UGT2B7: variants seen among roughly 807,000 people sequenced by gnomAD.
UGT2B7 encodes UDP-glucuronosyltransferase 2B7.
UGT2B7 carries 51 observed loss-of-function variants against 51.9 expected under a neutral mutation model. That is an observed-to-expected ratio of 0.98 (90% CI 0.78 to 1.24). The LOEUF is 1.24. UGT2B7 is among the 50% of genes most tolerant of loss of function. The probability of loss-of-function intolerance (pLI) is 0.00; values close to 1 mark genes in which losing one functional copy is unlikely to be tolerated. For synonymous variants in UGT2B7, 225 were observed against 211.6 expected (o/e 1.06, Z -0.55); for missense variants, 727 against 628.4 (o/e 1.16, Z -1.68).
At chr4:69,072,900 T>C (rs1475782803) in intron 1 of UGT2B7, among the ~76,000 whole-genome samples, 1 of 152,170 alleles carries the variant, frequency 6.6e-6, no homozygotes, top group Non-Finnish European at 1.5e-5. Flanking sequence ...GTTGTGTTCC[T>C]TCAGACACTG....
intron 1 of UGT2B7, among the ~76,000 whole-genome samples, chr4:69,081,796 A>T (rs1053343345): frequency 6.6e-6 from 1 of 152,142 alleles, no homozygotes; most frequent in Non-Finnish European, 1.5e-5. Context: ...CACCATTTAC[A>T]TCACACATCA....
intron 2 of UGT2B7, among the ~76,000 whole-genome samples, chr4:69,099,784 T>C (rs4293848): frequency 0.57 from 87,256 of 151,782 alleles, 26,047 homozygotes; most frequent in African/African-American, 0.71. Context: ...TAACATGTGC[T>C]GGTCACTTGA....
At chr4:69,060,732 T>A (rs1216178097) in intron 1 of UGT2B7, among the ~76,000 whole-genome samples, 1 of 152,186 alleles carries the variant, frequency 6.6e-6, no homozygotes, top group Non-Finnish European at 1.5e-5. Flanking sequence ...ATAAGCTGAC[T>A]TTAGGACAGC....
chr4:69,057,415 A>G (rs12508596), intron 1 of UGT2B7, among the ~76,000 whole-genome samples: 22,805 of 152,174 alleles, frequency 0.15, 1,988 homozygotes, highest in Admixed American at 0.25. Context: ...CCTCCTTCCA[A>G]AGGAACTGAG....
chr4:69,064,112 A>AAGAAAGAGAGAGAGAGAAAG (rs754723956), intron 1 of UGT2B7, among the ~76,000 whole-genome samples: 3 of 86,802 alleles, frequency 3.5e-5, no homozygotes, highest in East Asian at 4.4e-4. Context: ...GAAAGAAAGA[A>AAGAAAGAGAGAGAGAGAAAG]AAAGAAAGAA....
intron 1 of UGT2B7, among the ~76,000 whole-genome samples, chr4:69,056,739 T>G (rs4235113): frequency 6.6e-6 from 1 of 152,014 alleles, no homozygotes; most frequent in Non-Finnish European, 1.5e-5. Context: ...TTCACCAAAG[T>G]GCTTCAGCAC....
At chr4:69,080,250 T>C (rs556103057) in intron 1 of UGT2B7, among the ~76,000 whole-genome samples, 1 of 152,184 alleles carries the variant, frequency 6.6e-6, no homozygotes, top group East Asian at 1.9e-4. Flanking sequence ...TTTCTCCCTC[T>C]CTCAAAAATT....
In UGT2B7 at chr4:69,107,242, T is replaced by C. The variant is rs1351398469; in HGVS notation, c.1070T>C (p.Ile357Thr). 6 of 1,608,706 alleles carry C rather than the reference T, an allele frequency of 3.7e-6. No individual in the cohort carries two copies. The highest frequency in any genetic ancestry group is 1.7e-5 in the Admixed American group (1 of 59,544). Residue 357 changes from isoleucine to threonine, a missense_variant, in exon 4 of 6, where the codon ATA becomes ACA. Ile to Thr is a moderately conservative substitution (Grantham distance 89). Transcript: ENST00000305231. ...LGLNTRLYKW[I>T]PQNDLLGHPK... The stretch of plus-strand genomic sequence containing the variant: ...CTCAATACTCGGCTCTACAAGTGGA[T>C]ACCCCAGAATGACCTTCTAGGTAAG...
chr4:69,057,791 G>T (rs181886515), intron 1 of UGT2B7, among the ~76,000 whole-genome samples: 1 of 152,324 alleles, frequency 6.6e-6, no homozygotes, highest in African/African-American at 2.4e-5. Flanking sequence ...AGGCTTTGTG[G>T]TGGAGGGGGT....
upstream of UGT2B7, among the ~76,000 whole-genome samples, chr4:69,093,817 C>T (rs1285687809): frequency 6.6e-6 from 1 of 152,148 alleles, no homozygotes; most frequent in Non-Finnish European, 1.5e-5. Context: ...GTCATCCTGC[C>T]TTACTTTTCT....
intron 1 of UGT2B7, among the ~76,000 whole-genome samples, chr4:69,082,336 G>A (rs986373511): frequency 2.0e-5 from 3 of 151,720 alleles, no homozygotes; most frequent in Non-Finnish European, 4.4e-5. Context: ...AGGAAGGCAT[G>A]TTAAAAGCTC....
At chr4:69,099,257 CAAAA>C (rs58121670) in intron 2 of UGT2B7, among the ~76,000 whole-genome samples, 19,820 of 105,538 alleles carry the variant, frequency 0.19, 892 homozygotes, top group Admixed American at 0.29. Flanking sequence ...GAGAGACAGA[CAAAA>C]AAAAAAAAAA....
At chr4:69,068,931 T>A (rs942698464) in intron 1 of UGT2B7, among the ~76,000 whole-genome samples, 1 of 151,946 alleles carries the variant, frequency 6.6e-6, no homozygotes, top group Non-Finnish European at 1.5e-5. Context: ...AAAATCACAA[T>A]ACAAGAAAAA....
At chr4:69,065,662 A>G (rs767400217) in intron 1 of UGT2B7, among the ~76,000 whole-genome samples, 1 of 152,188 alleles carries the variant, frequency 6.6e-6, no homozygotes, top group South Asian at 2.1e-4. Context: ...TGTATTTCTC[A>G]TACATAGATG....
chr4:69,102,104 A>G (rs574168566), intron 2 of UGT2B7, among the ~76,000 whole-genome samples: 46 of 152,332 alleles, frequency 3.0e-4, no homozygotes, highest in African/African-American at 7.0e-4. Context: ...ATGATAAATG[A>G]GACTCCTGGA....
chr4:69,056,236 G>C (rs978081443), intron 1 of UGT2B7, among the ~76,000 whole-genome samples: 2 of 152,042 alleles, frequency 1.3e-5, no homozygotes, highest in African/African-American at 4.8e-5. Flanking sequence ...CAATACTATG[G>C]ACCTGCCACT....
intron 3 of UGT2B7, among the ~76,000 whole-genome samples, chr4:69,104,603 A>G (rs781206942): frequency 6.6e-6 from 1 of 152,178 alleles, no homozygotes; most frequent in African/African-American, 2.4e-5. Flanking sequence ...TTTTTCATTG[A>G]TAATAAATTT....
intron 1 of UGT2B7, among the ~76,000 whole-genome samples, chr4:69,071,401 G>T (rs1405038615): frequency 1.3e-5 from 2 of 152,140 alleles, no homozygotes; most frequent in Admixed American, 1.3e-4. Context: ...ATGTGCAACA[G>T]TTTTTAAAAT....
At chr4:69,083,757 T>G (rs1446566905) in intron 1 of UGT2B7, among the ~76,000 whole-genome samples, 1 of 152,104 alleles carries the variant, frequency 6.6e-6, no homozygotes, top group African/African-American at 2.4e-5. Context: ...ACTGGATTTG[T>G]TGATCAATTT....
Sources: allele counts gnomAD v4.1 joint callset (sites outside exome capture counted in the v4.1 genomes callset), GRCh38; gene constraint gnomAD v4.1.1; transcripts MANE v1.5; gene names NCBI Gene and HGNC (gene_info 2026-07-23, HGNC 2026-07-21).